Variants in TPD52L1 observed in about 807,000 individuals in gnomAD.
TPD52L1 encodes the protein tumor protein D53.
TPD52L1 carries 18 observed loss-of-function variants against 28.7 expected under a neutral mutation model. The observed-to-expected ratio is 0.63, with a 90% confidence interval of 0.43 to 0.93. The LOEUF (loss-of-function observed/expected upper bound fraction) is 0.93, where lower values mean the gene tolerates loss of function less well. Among genes scored for constraint, TPD52L1 ranks in the 40% least tolerant of loss-of-function variants. TPD52L1 has a pLI of 0.00. For missense variants in TPD52L1, 203 were observed against 254.8 expected (o/e 0.80, Z 1.39); for synonymous variants, 75 against 88.8 (o/e 0.84, Z 0.88).
At chr6:125,155,192 G>A (rs1434215269) in intron 1 of TPD52L1, among the ~76,000 whole-genome samples, 1 of 152,348 alleles carries the variant, frequency 6.6e-6, no homozygotes, top group East Asian at 1.9e-4. Flanking sequence ...GAGGGCAGTT[G>A]GTCAAATTCA....
intron 6 of TPD52L1, among the ~76,000 whole-genome samples, chr6:125,258,737 G>A (rs1182770201): frequency 4.6e-5 from 7 of 151,980 alleles, no homozygotes; most frequent in Middle Eastern, 3.2e-3. Context: ...TTGGATAGAA[G>A]GTATAGCCTG....
At chr6:125,234,908 C>T (rs143872018) in intron 3 of TPD52L1, among the ~76,000 whole-genome samples, 2 of 151,736 alleles carry the variant, frequency 1.3e-5, no homozygotes, top group African/African-American at 2.4e-5. Flanking sequence ...GCCTGAGCAG[C>T]GTGGTGAAAC....
rs1797404040 is a variant in TPD52L1 at position 125,253,528 on chromosome 6, T to G, written c.387-189T>G. The G allele has an allele frequency of 1.9e-5, 11 of 578,706 alleles. No individual in the cohort carries two copies. In the South Asian group the frequency reaches 2.5e-4, roughly 13 times the overall value. 35.8% of individuals were successfully genotyped at this position (578,706 alleles called of 1,614,324 possible). ...ACGGATCCACCATCTACTTTTCATT[T>G]ATACCCTTGAAAGCTGACTATACCC... On this transcript the variant is annotated intron_variant, in intron 4 of 6. Coordinates refer to ENST00000534000, the MANE Select transcript of TPD52L1 (RefSeq NM_003287.4).
At chr6:125,251,835 A>G (rs1213160356) in intron 4 of TPD52L1, among the ~76,000 whole-genome samples, 1 of 152,206 alleles carries the variant, frequency 6.6e-6, no homozygotes, top group African/African-American at 2.4e-5. Context: ...CAGAAGCAAA[A>G]CTTGAGTTGG....
intron 3 of TPD52L1, among the ~76,000 whole-genome samples, chr6:125,238,240 C>T (rs899693593): frequency 6.6e-6 from 1 of 152,196 alleles, no homozygotes; most frequent in African/African-American, 2.4e-5. Context: ...ATTTCAAGAT[C>T]ACACCTCACT....
chr6:125,176,265 T>C (rs1024968730), intron 1 of TPD52L1, among the ~76,000 whole-genome samples: 2 of 152,246 alleles, frequency 1.3e-5, no homozygotes, highest in Non-Finnish European at 2.9e-5. Context: ...AGAAAACATG[T>C]CCGTATTCTT....
At chr6:125,162,230 G>A (rs1790564550) in intron 1 of TPD52L1, among the ~76,000 whole-genome samples, 1 of 152,146 alleles carries the variant, frequency 6.6e-6, no homozygotes, top group Non-Finnish European at 1.5e-5. Flanking sequence ...TTTAGGTGAA[G>A]TCAGTCATTT....
chr6:125,165,116 T>C (rs1241909409), intron 1 of TPD52L1, among the ~76,000 whole-genome samples: 2 of 69,676 alleles, frequency 2.9e-5, no homozygotes, highest in Non-Finnish European at 5.2e-5. Flanking sequence ...TGTATATATA[T>C]AGTTTTGTAT....
chr6:125,173,316 G>A (rs1290851528), intron 1 of TPD52L1, among the ~76,000 whole-genome samples: 1 of 152,172 alleles, frequency 6.6e-6, no homozygotes, highest in Admixed American at 6.5e-5. Context: ...TCAGGCACAC[G>A]GTCCAAGGAA....
At chr6:125,174,308 T>C (rs922402913) in intron 1 of TPD52L1, among the ~76,000 whole-genome samples, 2 of 152,222 alleles carry the variant, frequency 1.3e-5, no homozygotes, top group African/African-American at 4.8e-5. Context: ...CCTATTTTCG[T>C]TATAGCAGTT....
At chr6:125,242,958 A>G (rs1796701854) in intron 3 of TPD52L1, among the ~76,000 whole-genome samples, 1 of 151,598 alleles carries the variant, frequency 6.6e-6, no homozygotes, top group Non-Finnish European at 1.5e-5. Flanking sequence ...AAGATTTAGA[A>G]CTCCCTTGAG....
At chr6:125,224,278 G>A (rs1195348885) in intron 2 of TPD52L1, among the ~76,000 whole-genome samples, 1 of 152,116 alleles carries the variant, frequency 6.6e-6, no homozygotes, top group Non-Finnish European at 1.5e-5. Flanking sequence ...GATGACTTAA[G>A]AGAAATAGGC....
At chr6:125,156,827 G>T (rs1008330056) in intron 1 of TPD52L1, among the ~76,000 whole-genome samples, 2 of 152,138 alleles carry the variant, frequency 1.3e-5, no homozygotes, top group Non-Finnish European at 2.9e-5. Context: ...GTCAAAATTG[G>T]ATTGAATGTG....
At chr6:125,196,102 G>A (rs991242952) in intron 1 of TPD52L1, among the ~76,000 whole-genome samples, 18 of 152,130 alleles carry the variant, frequency 1.2e-4, no homozygotes, top group Non-Finnish European at 1.5e-5. Context: ...AGATGTGCAA[G>A]GTTAACCTCA....
chr6:125,158,392 AAGTATACATTCTAC>A (rs1790279416), intron 1 of TPD52L1, among the ~76,000 whole-genome samples: 1 of 117,614 alleles, frequency 8.5e-6, no homozygotes, highest in Non-Finnish European at 1.7e-5. Flanking sequence ...CTTACATTAT[AAGTATACATTCTAC>A]ATTATACATT....
chr6:125,156,711 G>T (rs527937621), intron 1 of TPD52L1, among the ~76,000 whole-genome samples: 5 of 152,116 alleles, frequency 3.3e-5, no homozygotes, highest in South Asian at 2.1e-4. Flanking sequence ...GGAGGCAGCC[G>T]TGAGCTGTGA....
intron 6 of TPD52L1, chr6:125,261,645 A>AG (rs1284147095): frequency 6.7e-6 from 1 of 148,804 alleles, no homozygotes; most frequent in African/African-American, 2.5e-5. Context: ...AAAAAAAAAA[A>AG]GGGCAAGTTG....
At chr6:125,172,480 T>TGTTA (rs1562213354) in intron 1 of TPD52L1, among the ~76,000 whole-genome samples, 1 of 107,296 alleles carries the variant, frequency 9.3e-6, no homozygotes, top group African/African-American at 3.8e-5. Context: ...GTGTGTGTGT[T>TGTTA]TTTTTTTTAG....
intron 1 of TPD52L1, among the ~76,000 whole-genome samples, chr6:125,180,592 A>C (rs970102262): frequency 2.6e-5 from 4 of 151,456 alleles, no homozygotes; most frequent in Non-Finnish European, 5.9e-5. Context: ...ACACACACAC[A>C]CACTCACACA....
Sources: allele counts gnomAD v4.1 joint callset (sites outside exome capture counted in the v4.1 genomes callset), GRCh38; gene constraint gnomAD v4.1.1; transcripts MANE v1.5; gene names NCBI Gene and HGNC (gene_info 2026-07-23, HGNC 2026-07-21).